PSMD8: variants seen among roughly 807,000 people sequenced by gnomAD.
PSMD8 encodes 26S proteasome non-ATPase regulatory subunit 8.
A neutral mutation model predicts 40.0 loss-of-function variants in PSMD8; 30 were observed. The observed-to-expected ratio is 0.75, with a 90% CI of 0.56 to 1.02. PSMD8 has a LOEUF of 1.02. Among genes scored for constraint, PSMD8 ranks in the 50% least tolerant of loss-of-function variants. The probability of loss-of-function intolerance (pLI) is 0.00; values close to 1 mark genes in which losing one functional copy is unlikely to be tolerated. For missense variants in PSMD8, 461 were observed against 463.9 expected (o/e 0.99, Z 0.06); for synonymous variants, 208 against 192.5 (o/e 1.08, Z -0.67).
chr19:38,378,079 AGGCCG>A (rs1386484064), intron 3 of PSMD8, among the ~76,000 whole-genome samples: 1 of 152,232 alleles, frequency 6.6e-6, no homozygotes, highest in Non-Finnish European at 1.5e-5. Context: ...GGATACTGTG[AGGCCG>A]GGCATGATGG....
chr19:38,378,596 A>G (rs1348956461), intron 3 of PSMD8, among the ~76,000 whole-genome samples: 1 of 148,568 alleles, frequency 6.7e-6, no homozygotes, highest in Non-Finnish European at 1.5e-5. Flanking sequence ...GGATGGCTTG[A>G]GCGTGGGAAG....
At chr19:38,382,940 G>A (rs1382143510) in intron 6 of PSMD8, 1 of 295,530 alleles carries the variant, frequency 3.4e-6, no homozygotes, top group Non-Finnish European at 6.4e-6. Context: ...AGAAGAAGGT[G>A]AAATTGAATT....
At chr19:38,377,830 G>T (rs567584761) in intron 3 of PSMD8, among the ~76,000 whole-genome samples, 356 of 152,248 alleles carry the variant, frequency 2.3e-3, no homozygotes, top group Non-Finnish European at 3.8e-3. Flanking sequence ...AGTAGAGATG[G>T]GGTTTTGCCA....
Position 38,374,761 on chromosome 19 carries a change from T to A in PSMD8, c.160T>A (p.Ser54Thr). The A allele has an allele frequency of 6.4e-7, 1 of 1,563,308 alleles. No individual in the cohort carries two copies. The highest frequency in any genetic ancestry group is 8.6e-7 in the Non-Finnish European group (1 of 1,158,874). ...ASVCRRRCRK[S>T]GGLLAASRKM... ...CGTTTGTAGGCGGCGCTGCCGTAAA[T>A]CAGGCGGTCTGCTTGCCGCATCACG... Residue 54 changes from serine (S) to threonine (T), a missense_variant, in exon 1 of 7, where the codon TCA (serine) becomes ACA (threonine). Coordinates refer to ENST00000215071, the MANE Select transcript of PSMD8 (RefSeq NM_002812.5).
At chr19:38,375,288 T>A (rs188599458) in intron 1 of PSMD8, 5 of 305,528 alleles carry the variant, frequency 1.6e-5, no homozygotes, top group Admixed American at 4.9e-5. Flanking sequence ...ACATTTTTTT[T>A]TTAAGTGAGA....
At chr19:38,376,265 A>C in intron 2 of PSMD8, 33 bp downstream of exon 2, 7 of 1,564,156 alleles carry the variant, frequency 4.5e-6, no homozygotes, top group Non-Finnish European at 6.1e-6. Context: ...GGGGGTGATA[A>C]TCTGGGGGTC....
chr19:38,378,821 C>T (rs994952503), intron 3 of PSMD8, among the ~76,000 whole-genome samples: 2 of 150,944 alleles, frequency 1.3e-5, no homozygotes, highest in African/African-American at 2.4e-5. Context: ...GGCATGGTGG[C>T]ATGTGCCTGT....
rs28384479 is a variant in PSMD8 at position 38,374,946 on chromosome 19, G to A, written c.345G>A (p.Glu115=). The change falls in exon 1 of 7, where the codon GAG becomes GAA. Residue 115 remains glutamate (E), a synonymous_variant. Coordinates refer to ENST00000215071, the MANE Select transcript of PSMD8 (RefSeq NM_002812.5). ...CCAATCTTAGCAAGTGCGGGGAAGA[G>A]CTGGGTCGACTCAAGGTAAAGTCGG... is the stretch of plus-strand genomic sequence containing the variant. ...KSPNLSKCGE[E]LGRLKLVLLE... is the part of the protein sequence containing the mutation. 2,832 of 1,568,790 alleles carry A rather than the reference G, an allele frequency of 1.8e-3. 40 individuals carry two copies. In the East Asian group the frequency reaches 0.042, roughly 23 times the overall value.
At chr19:38,381,921 C>T (rs916361436) in intron 5 of PSMD8, among the ~76,000 whole-genome samples, 196 bp from the exon 6 acceptor site, 1 of 152,106 alleles carries the variant, frequency 6.6e-6, no homozygotes, top group Non-Finnish European at 1.5e-5. Flanking sequence ...GGGGATCACC[C>T]GTGGCCCTTG....
chr19:38,380,751 T>C, intron 4 of PSMD8, 148 bp from the exon 5 acceptor site: 1 of 542,734 alleles, frequency 1.8e-6, no homozygotes. Flanking sequence ...AGCAAGGGCT[T>C]TCTGGAAGAG....
chr19:38,376,110 G>C, intron 1 of PSMD8, 50 bp from the exon 2 acceptor site: 1 of 1,494,804 alleles, frequency 6.7e-7, no homozygotes, highest in Non-Finnish European at 9.2e-7. Flanking sequence ...TAAGTCATCT[G>C]TATTTGAATT....
chr19:38,375,483 G>A lies in PSMD8; in HGVS notation c.360+522G>A, dbSNP rs140839511. 1.8e-3 allele frequency: 328 copies of A among 184,180 alleles called. 1 individual carries two copies. Among genetic ancestry groups the A allele is most frequent in the African/African-American group, 7.6e-3 (318 of 41,704 alleles). The allele number at this position is 184,180 out of a possible 1,614,324, so 11.4% of individuals were successfully genotyped here. Reference sequence around the variant, plus strand: ...CCAAGTGGGAAGTGAGGACTGCCCGGAGTGATAAAAGAATGAGGCTGAAAA... The same window carrying A: ...CCAAGTGGGAAGTGAGGACTGCCCGAAGTGATAAAAGAATGAGGCTGAAAA... On this transcript the variant is annotated intron_variant, in intron 1 of 6. Transcript: ENST00000215071.
chr19:38,376,507 T>A, intron 3 of PSMD8, 53 bp downstream of exon 3: 1 of 1,423,392 alleles, frequency 7.0e-7, no homozygotes, highest in South Asian at 1.2e-5. Context: ...GAAGCTCCTT[T>A]ATTTCTGGAG....
At chr19:38,374,996 G>C (rs12608599) in intron 1 of PSMD8, 35 bp downstream of exon 1, 87,120 of 1,537,228 alleles carry the variant, frequency 0.057, 4,000 homozygotes, top group East Asian at 0.25. Flanking sequence ...CGAGTGTTGC[G>C]GGCGTGGGAG....
intron 5 of PSMD8, chr19:38,381,250 G>T (rs189532162): frequency 4.3e-5 from 18 of 418,792 alleles, no homozygotes; most frequent in Admixed American, 2.1e-4. Context: ...GCATGGAATT[G>T]GTTCAGCAGG....
At chr19:38,377,851 G>T (rs1299264377) in intron 3 of PSMD8, among the ~76,000 whole-genome samples, 1 of 152,162 alleles carries the variant, frequency 6.6e-6, no homozygotes, top group Non-Finnish European at 1.5e-5. Flanking sequence ...GGTTGGCCAG[G>T]CTGGTCTTGA....
In PSMD8 at chr19:38,374,780, C is replaced by T. The variant is rs921908252; in HGVS notation, c.179C>T (p.Ala60Val). 1.3e-6 allele frequency: 2 copies of T among 1,571,464 alleles called. No individual in the cohort carries two copies. Among genetic ancestry groups the T allele is most frequent in the East Asian group, 2.3e-5 (1 of 43,040 alleles). Reference protein sequence around the residue: ...RCRKSGGLLAASRKMAAAAVN... With the variant: ...RCRKSGGLLAVSRKMAAAAVN... ...CGTAAATCAGGCGGTCTGCTTGCCG[C>T]ATCACGCAAGATGGCGGCCGCGGCG... The change falls in exon 1 of 7, where the codon GCA (alanine) becomes GTA (valine). Residue 60 changes from alanine to valine, a missense_variant. By Grantham distance (64) the Ala-to-Val change is moderately conservative (BLOSUM62 0). Transcript: ENST00000215071.
chr19:38,382,149 A>C lies in PSMD8; in HGVS notation c.836A>C (p.Tyr279Ser), dbSNP rs1315192883. The change falls in exon 6 of 7, where the codon TAC (tyrosine) becomes TCC (serine). Residue 279 changes from tyrosine (Y) to serine (S), a missense_variant. Tyr to Ser is a moderately radical substitution (Grantham distance 144, BLOSUM62 -2). Transcript: ENST00000215071. ...ATCGCTGGGTGCATCGAGAAGGCCT[A>C]CGAGAAAATCCTTTTCACTGAGGCC... ...DEIAGCIEKA[Y>S]EKILFTEATR... The C allele has an allele frequency of 3.8e-6, 6 of 1,586,878 alleles. No individual in the cohort carries two copies. The highest frequency in any genetic ancestry group is 4.3e-6 in the Non-Finnish European group (5 of 1,167,300).
At chr19:38,381,339 C>G in intron 5 of PSMD8, 1 of 200,750 alleles carries the variant, frequency 5.0e-6, no homozygotes, top group Non-Finnish European at 1.0e-5. Flanking sequence ...CACCTCCGGC[C>G]ACCAAAACTG....
Sources: allele counts gnomAD v4.1 joint callset (sites outside exome capture counted in the v4.1 genomes callset), GRCh38; gene constraint gnomAD v4.1.1; transcripts MANE v1.5; gene names NCBI Gene and HGNC (gene_info 2026-07-23, HGNC 2026-07-21).